Variants in SLC9A3 observed in about 807,000 individuals in gnomAD.
The protein encoded by SLC9A3 is solute carrier family 9 member A3, also known as sodium/hydrogen exchanger 3.
In SLC9A3, 37 loss-of-function variants were observed where a neutral mutation model predicts 86.8. That is an observed-to-expected ratio of 0.43 (90% CI 0.33 to 0.56). The LOEUF (loss-of-function observed/expected upper bound fraction) is 0.56, where lower values mean the gene tolerates loss of function less well. Ranked by LOEUF, SLC9A3 falls within the 20% of genes least tolerant of loss-of-function variation. SLC9A3 has a pLI of 0.06. For synonymous variants in SLC9A3, 581 were observed against 528.3 expected (o/e 1.10, Z -1.37); for missense variants, 1,011 against 1,171.9 (o/e 0.86, Z 2.00).
At chr5:475,942 A>G in intron 14 of SLC9A3, 78 bp downstream of exon 14, 1 of 1,248,860 alleles carries the variant, frequency 8.0e-7, no homozygotes, top group Non-Finnish European at 1.1e-6. Flanking sequence ...CTGAGAGGGG[A>G]GGTTCCCGAG....
chr5:507,549 G>C (rs1267290768), intron 1 of SLC9A3, among the ~76,000 whole-genome samples: 1 of 151,732 alleles, frequency 6.6e-6, no homozygotes, highest in Non-Finnish European at 1.5e-5. Context: ...ACAGGTGTGA[G>C]CCACCGCGCC....
intron 2 of SLC9A3, among the ~76,000 whole-genome samples, chr5:490,501 C>A (rs539308227): frequency 1.3e-5 from 2 of 152,204 alleles, no homozygotes; most frequent in Non-Finnish European, 2.9e-5. Context: ...CAATGCTAGG[C>A]GGGGACCATT....
At chr5:481,724 C>CACGCAGTG in intron 8 of SLC9A3, 89 bp from the exon 9 acceptor site, 1 of 1,101,094 alleles carries the variant, frequency 9.1e-7, no homozygotes, top group South Asian at 1.2e-5. Context: ...CCCCGAGGAA[C>CACGCAGTG]CCACCAGCCC....
rs1738626554 is a variant in SLC9A3 at position 475,033 on chromosome 5, G to A, written c.2351C>T (p.Ser784Leu). 1 of 1,612,328 alleles carries A rather than the reference G, an allele frequency of 6.2e-7. No homozygotes were observed. Among genetic ancestry groups the A allele is most frequent in the Non-Finnish European group, 8.5e-7 (1 of 1,179,794 alleles). Reference sequence around the variant, plus strand: ...GGGAATCTGCGTGCGGGCCCTCTGCGAGGGGACCACCGTCTCCCCGGGAGA... The same window carrying A: ...GGGAATCTGCGTGCGGGCCCTCTGCAAGGGGACCACCGTCTCCCCGGGAGA... ...WLSPGETVVPSQRARTQIPYS... is the reference protein window; with the variant it reads ...WLSPGETVVPLQRARTQIPYS... The change falls in exon 16 of 17, where the codon TCG becomes TTG. Residue 784 changes from serine (S) to leucine (L), a missense_variant. Transcript: ENST00000264938.
chr5:495,981 G>A (rs530982099), intron 1 of SLC9A3, among the ~76,000 whole-genome samples: 1 of 152,134 alleles, frequency 6.6e-6, no homozygotes, highest in Non-Finnish European at 1.5e-5. Context: ...CAGTGAGGCC[G>A]CTGGTTACTG....
In SLC9A3 at chr5:472,896, T is replaced by C; in HGVS notation, c.*483A>G. On this transcript the variant is annotated 3_prime_UTR_variant, in exon 17 of 17. Coordinates refer to ENST00000264938, the MANE Select transcript of SLC9A3 (RefSeq NM_004174.4). ...AAATCCGTTTGGGGCGAGCCTCGGT[T>C]TCCCGGCAGCGGTGGGAAAGGGCGC... The C allele has an allele frequency of 2.0e-6, 1 of 506,876 alleles. No individual in the cohort carries two copies. The highest frequency in any genetic ancestry group is 1.8e-5 in the South Asian group (1 of 55,628). The allele number at this position is 506,876 out of a possible 1,614,324, so 31.4% of individuals were successfully genotyped here. A position where few individuals can be genotyped will look rare whatever the true frequency, so the allele number is the denominator to read the frequency against.
At chr5:488,507 G>A (rs369459421) in intron 2 of SLC9A3, 31 bp from the exon 3 acceptor site, 541 of 1,505,642 alleles carry the variant, frequency 3.6e-4, no homozygotes, top group Middle Eastern at 1.4e-3. Context: ...CGGGGCAGCT[G>A]CAGGGCCTGC....
At chr5:506,891 CAAAACAA>C (rs1740605994) in intron 1 of SLC9A3, among the ~76,000 whole-genome samples, 1 of 5,434 alleles carries the variant, frequency 1.8e-4, no homozygotes, top group Non-Finnish European at 7.8e-4. Flanking sequence ...TATGGAGAAA[CAAAACAA>C]AAAAAAAATA....
At chr5:486,580 G>GCAC (rs1268036901) in intron 3 of SLC9A3, among the ~76,000 whole-genome samples, 2 of 152,144 alleles carry the variant, frequency 1.3e-5, no homozygotes, top group Admixed American at 1.3e-4. Context: ...TCTGCCGTTA[G>GCAC]CACCAGTTCA....
chr5:475,925 G>T (rs1738697563), intron 14 of SLC9A3, 95 bp downstream of exon 14: 6 of 1,116,944 alleles, frequency 5.4e-6, no homozygotes, highest in Middle Eastern at 2.8e-4. Flanking sequence ...CCCCAGAGGG[G>T]AAGGTCCTGA....
At position 491,019 on chromosome 5, in the gene SLC9A3, T is replaced by G. The variant is rs1446327703; in HGVS notation, c.514+750A>C. 6.6e-6 allele frequency among the ~76,000 whole-genome samples: 1 copy of G among 152,236 alleles called. No individual in the cohort carries two copies. Among genetic ancestry groups the G allele is most frequent in the African/African-American group, 2.4e-5 (1 of 41,464 alleles). On this transcript the variant is annotated intron_variant, in intron 2 of 16. Transcript: ENST00000264938. The surrounding 1 kb of genome is among the most constrained non-coding windows in gnomAD (Gnocchi z 9.2). ...GGAGAGGCCGGGCCGTGCTCTCTCT[T>G]GAACCAGACGGAAAATCGCCAATTC...
chr5:497,217 C>T lies in SLC9A3; in HGVS notation c.212-5146G>A, dbSNP rs1002103236. On this transcript the variant is annotated intron_variant, in intron 1 of 16. Transcript: ENST00000264938. This position sits in a 1 kb window ranked among gnomAD's most constrained non-coding sequence, Gnocchi z 5.4. ...TCTGGGTGGCACTGGTGGGTGCTCCCGGTGCCCAGGCCGCTGCCCCGCAGG... is the reference window on the plus strand; with the variant it reads ...TCTGGGTGGCACTGGTGGGTGCTCCTGGTGCCCAGGCCGCTGCCCCGCAGG... Among the ~76,000 whole-genome samples, 15 of 152,158 alleles carry T rather than the reference C, an allele frequency of 9.9e-5. No individual in the cohort carries two copies. Among genetic ancestry groups the T allele is most frequent in the Non-Finnish European group, 1.6e-4 (11 of 68,028 alleles).
At chr5:494,194 C>G (rs1417406824) in intron 1 of SLC9A3, among the ~76,000 whole-genome samples, 2 of 152,350 alleles carry the variant, frequency 1.3e-5, no homozygotes, top group East Asian at 3.9e-4. Flanking sequence ...TCCTGGGACC[C>G]TAACGCGTGC....
intron 1 of SLC9A3, among the ~76,000 whole-genome samples, chr5:494,778 G>A (rs1739944245): frequency 6.6e-6 from 1 of 152,176 alleles, no homozygotes; most frequent in East Asian, 1.9e-4. Flanking sequence ...GGCGACGAGT[G>A]CCTAGCAAAG....
intron 1 of SLC9A3, among the ~76,000 whole-genome samples, chr5:523,064 G>T (rs1010252982): frequency 6.6e-6 from 1 of 152,220 alleles, no homozygotes; most frequent in Middle Eastern, 3.2e-3. Flanking sequence ...GGGAGGAGGC[G>T]GGAGGGCTCA....
At chr5:500,898 G>A (rs187989557) in intron 1 of SLC9A3, among the ~76,000 whole-genome samples, 46 of 150,862 alleles carry the variant, frequency 3.0e-4, no homozygotes, top group African/African-American at 1.1e-3. Flanking sequence ...ACATGGGGTC[G>A]GTGTGGACGA....
At chr5:492,114 G>C (rs1177767249) in intron 1 of SLC9A3, 43 bp from the exon 2 acceptor site, 1 of 1,251,818 alleles carries the variant, frequency 8.0e-7, no homozygotes, top group Non-Finnish European at 1.1e-6. Flanking sequence ...CTGTGAGGGA[G>C]GGGAGGGAGG....
In SLC9A3 at chr5:485,165, C is replaced by A; in HGVS notation, c.742G>T (p.Val248Leu). 6.2e-7 allele frequency: 1 copy of A among 1,613,388 alleles called. No homozygotes were observed. Among genetic ancestry groups the A allele is most frequent in the Non-Finnish European group, 8.5e-7 (1 of 1,179,482 alleles). Residue 248 changes from valine to leucine, a missense_variant, in exon 4 of 17, where the codon GTG (valine) becomes TTG (leucine). By Grantham distance (32) the Val-to-Leu change is conservative (BLOSUM62 1). Around this residue, in one of 3 missense-constraint regions of SLC9A3, gnomAD observed 565 missense variants for 790.0 expected, o/e 0.72. Transcript: ENST00000264938. ...GGDNVTGVDCVKGIVSFFVVS... is the reference protein window; with the variant it reads ...GGDNVTGVDCLKGIVSFFVVS... Reference sequence around the variant, plus strand: ...CACAGCTACACACCTATGCCCTTCACGCAGTCCACGCCAGTCACGTTGTCA... The same window carrying A: ...CACAGCTACACACCTATGCCCTTCAAGCAGTCCACGCCAGTCACGTTGTCA...
At chr5:500,640 T>G (rs58118992) in intron 1 of SLC9A3, among the ~76,000 whole-genome samples, 1 of 62,984 alleles carries the variant, frequency 1.6e-5, no homozygotes, top group Non-Finnish European at 2.7e-5. Context: ...TGGATGGGGC[T>G]GGTGTGGACA....
Sources: gnomAD v4.1 joint callset for allele counts (sites outside exome capture counted in the v4.1 genomes callset) on GRCh38, gnomAD v4.1.1 for gene constraint, gnomAD v4.1.1 regional missense constraint, Gnocchi (gnomAD v3.1) non-coding constraint, MANE v1.5 for transcripts, NCBI Gene and HGNC (gene_info 2026-07-23, HGNC 2026-07-21) for gene names.